The following BAIAP2 variants were observed in gnomAD, a reference collection of about 807,000 sequenced individuals.
BAIAP2 encodes the protein BAR/IMD domain containing adaptor protein 2, also known as BAR/IMD domain-containing adapter protein 2.
In BAIAP2, 18 loss-of-function variants were observed where a neutral mutation model predicts 63.0. The ratio of observed to expected loss-of-function variants is 0.29; its 90% CI spans 0.20 to 0.42. The LOEUF (loss-of-function observed/expected upper bound fraction) is 0.42. Among genes scored for constraint, BAIAP2 ranks in the 10% least tolerant of loss-of-function variants. The pLI, the probability that BAIAP2 is intolerant of heterozygous loss-of-function variation, is 1.00. For synonymous variants in BAIAP2, 386 were observed against 307.6 expected, an observed-to-expected ratio of 1.25 and a Z score of -2.67; for missense variants, 610 against 734.3, an observed-to-expected ratio of 0.83 and a Z score of 1.96.
chr17:81,095,586 C>T (rs1332334674), intron 6 of BAIAP2, among the ~76,000 whole-genome samples: 2 of 152,174 alleles, frequency 1.3e-5, no homozygotes, highest in African/African-American at 4.8e-5. Context: ...GACTCAGGCT[C>T]TGCCATAGCC....
At chr17:81,058,495 G>T (rs988529513) in intron 3 of BAIAP2, among the ~76,000 whole-genome samples, 1 of 152,212 alleles carries the variant, frequency 6.6e-6, no homozygotes, top group East Asian at 1.9e-4. Context: ...GAAATTCAGG[G>T]CCCACGTGGT....
chr17:81,109,667 C>T, intron 13 of BAIAP2: 2 of 985,290 alleles, frequency 2.0e-6, no homozygotes, highest in Non-Finnish European at 2.4e-6. Context: ...GGGCTTCTCC[C>T]TCTGGACACT....
intron 3 of BAIAP2, among the ~76,000 whole-genome samples, chr17:81,069,689 T>TC (rs1295511402): frequency 6.6e-6 from 1 of 152,208 alleles, no homozygotes; most frequent in East Asian, 1.9e-4. Context: ...CTCTGCCCAC[T>TC]CGGGGGACTC....
intron 3 of BAIAP2, among the ~76,000 whole-genome samples, chr17:81,084,185 G>A (rs770192524): frequency 4.6e-4 from 70 of 152,168 alleles, no homozygotes; most frequent in Non-Finnish European, 8.1e-4. Flanking sequence ...ATGGCAAGGC[G>A]AGCCCAGGCC....
chr17:81,111,277 G>A (rs1429053293), intron 13 of BAIAP2, among the ~76,000 whole-genome samples: 4 of 152,248 alleles, frequency 2.6e-5, no homozygotes, highest in African/African-American at 4.8e-5. Flanking sequence ...TTCAATTATA[G>A]TCAAAGGGTG....
At chr17:81,043,128 G>C (rs950572842) in intron 1 of BAIAP2, among the ~76,000 whole-genome samples, 3 of 152,076 alleles carry the variant, frequency 2.0e-5, no homozygotes, top group Non-Finnish European at 4.4e-5. Context: ...CGGCCTCCCA[G>C]AGTGCTGGGA....
chr17:81,106,970 T>TC, intron 12 of BAIAP2, 63 bp downstream of exon 12: 1 of 1,451,410 alleles, frequency 6.9e-7, no homozygotes, highest in Middle Eastern at 2.5e-4. Flanking sequence ...CAGCCTGCAG[T>TC]CCCCCGTTGG....
chr17:81,036,922 A>G (rs761055617), intron 1 of BAIAP2: 3 of 1,535,732 alleles, frequency 2.0e-6, no homozygotes, highest in Admixed American at 2.0e-5. Flanking sequence ...CTGCGCTGAA[A>G]CCAGAAAGCA....
chr17:81,081,776 C>T (rs759879443), intron 3 of BAIAP2, among the ~76,000 whole-genome samples: 2 of 152,178 alleles, frequency 1.3e-5, no homozygotes, highest in South Asian at 2.1e-4. Context: ...GACTTCATCC[C>T]GACCGTGAGA....
intron 1 of BAIAP2, among the ~76,000 whole-genome samples, chr17:81,043,153 C>G (rs967751028): frequency 6.6e-6 from 1 of 152,188 alleles, no homozygotes; most frequent in African/African-American, 2.4e-5. Flanking sequence ...AGGCGTGAGC[C>G]ACTGCATCCG....
intron 3 of BAIAP2, among the ~76,000 whole-genome samples, chr17:81,079,112 C>T (rs887031095): frequency 6.6e-6 from 1 of 152,204 alleles, no homozygotes; most frequent in Non-Finnish European, 1.5e-5. Context: ...GCAGAACCAA[C>T]CCGAGGACAG....
At chr17:81,042,781 A>G (rs983412415) in intron 1 of BAIAP2, among the ~76,000 whole-genome samples, 1 of 152,134 alleles carries the variant, frequency 6.6e-6, no homozygotes, top group African/African-American at 2.4e-5. Context: ...TCTGTCCAGT[A>G]GAGGGTTTGT....
At chr17:81,074,833 C>T (rs2053390443) in intron 3 of BAIAP2, among the ~76,000 whole-genome samples, 2 of 152,250 alleles carry the variant, frequency 1.3e-5, no homozygotes, top group African/African-American at 4.8e-5. Context: ...TGTACCTATA[C>T]ATCACAGAAA....
intron 4 of BAIAP2, 57 bp downstream of exon 4, chr17:81,084,950 G>T (rs1366515409): frequency 1.3e-6 from 2 of 1,558,432 alleles, no homozygotes; most frequent in Non-Finnish European, 1.8e-6. Flanking sequence ...GGGAGAGCTG[G>T]CGCCACACCT....
In BAIAP2 at chr17:81,104,149, G is replaced by C. The variant is rs11658439; in HGVS notation, c.1066+41G>C. 8.7e-6 allele frequency: 14 copies of C among 1,603,328 alleles called. No individual in the cohort carries two copies. In the Admixed American group the frequency reaches 2.0e-4, roughly 23 times the overall value. ...GGGTGTTGGGCTGGGGTCCCTGGAC[G>C]TGCCTCCTCAGACCCTACAGTCATG... On this transcript the variant is annotated intron_variant, in intron 9 of 13. Transcript: ENST00000428708.
intron 13 of BAIAP2, among the ~76,000 whole-genome samples, chr17:81,114,007 C>T (rs1296126292): frequency 1.4e-5 from 2 of 146,360 alleles, no homozygotes; most frequent in Non-Finnish European, 3.0e-5. Flanking sequence ...CTCTGTCACC[C>T]AGGCTGGAGT....
At chr17:81,100,551 C>G (rs1409479854) in intron 7 of BAIAP2, among the ~76,000 whole-genome samples, 2 of 152,028 alleles carry the variant, frequency 1.3e-5, no homozygotes, top group East Asian at 1.9e-4. Flanking sequence ...TCTGCTCACC[C>G]GAGGCACTGA....
rs2059154115 is a variant in BAIAP2, at chr17:81,106,126, C to A, written c.1317C>A (p.Gly439=). 6 of 1,583,822 alleles carry A rather than the reference C, an allele frequency of 3.8e-6. No homozygotes were observed. In the African/African-American group the frequency reaches 8.0e-5, roughly 21 times the overall value. The change falls in exon 11 of 14, where the codon GGC becomes GGA. Residue 439 remains glycine (G), a synonymous_variant. Coordinates refer to ENST00000428708, the MANE Select transcript of BAIAP2 (RefSeq NM_001144888.2). The part of the protein sequence containing the change: ...FSYTRVLDSD[G]SDRLHMSLQQ... ...ACACCCGGGTCTTGGACAGCGATGGCAGTGACAGGCTGCACATGAGGTGAG... is the reference window on the plus strand; with the variant it reads ...ACACCCGGGTCTTGGACAGCGATGGAAGTGACAGGCTGCACATGAGGTGAG...
chr17:81,115,455 G>T (rs2060428965), intron 13 of BAIAP2, among the ~76,000 whole-genome samples: 1 of 152,064 alleles, frequency 6.6e-6, no homozygotes, highest in South Asian at 2.1e-4. Flanking sequence ...CTCACTGGGA[G>T]GTTGTGGCTG....
Sources: allele counts gnomAD v4.1 joint callset (sites outside exome capture counted in the v4.1 genomes callset), GRCh38; gene constraint gnomAD v4.1.1; transcripts MANE v1.5; gene names NCBI Gene and HGNC (gene_info 2026-07-23, HGNC 2026-07-21).